The following HYDIN variants were observed in gnomAD, a reference collection of about 807,000 sequenced individuals.
HYDIN encodes the protein HYDIN axonemal central pair apparatus protein, also known as axonemal central pair apparatus protein HYDIN.
In HYDIN, 132 loss-of-function variants were observed where a neutral mutation model predicts 403.9. That is an observed-to-expected ratio of 0.33 (90% CI 0.28 to 0.38). The LOEUF is 0.38. Ranked by LOEUF, HYDIN falls within the 10% of genes least tolerant of loss-of-function variation. HYDIN has a pLI of 1.00. For synonymous variants in HYDIN, 1,202 were observed against 1,891.7 expected, an observed-to-expected ratio of 0.64 and a Z score of 9.46; for missense variants, 2,827 against 5,009.5, an observed-to-expected ratio of 0.56 and a Z score of 13.15.
At chr16:71,066,861 G>T (rs2082287728) in intron 15 of HYDIN, 1 of 498,734 alleles carries the variant, frequency 2.0e-6, no homozygotes, top group Middle Eastern at 3.1e-4. Context: ...CCCGGGGCAG[G>T]GACCTCTTGG....
chr16:71,194,089 T>C (rs1481791901), intron 1 of HYDIN, among the ~76,000 whole-genome samples: 2 of 152,212 alleles, frequency 1.3e-5, no homozygotes, highest in African/African-American at 2.4e-5. Flanking sequence ...AAACATTGCT[T>C]GATAAAAATG....
chr16:71,020,450 A>G lies in HYDIN; in HGVS notation c.3187-133T>C, dbSNP rs6499390. 7.5e-4 allele frequency: 580 copies of G among 777,956 alleles called. 1 individual carries two copies. The highest frequency in any genetic ancestry group is 3.5e-3 in the African/African-American group (169 of 48,360). The allele number at this position is 777,956 out of a possible 1,614,324, so 48.2% of individuals were successfully genotyped here. ...TTTCTTTGTGTGTGTGTGTGTGTGT[A>G]TATATATATATGCATATATATGTAG... On this transcript the variant is annotated intron_variant, in intron 21 of 85. Transcript: ENST00000393567.
intron 85 of HYDIN, 65 bp downstream of exon 85, chr16:70,809,718 C>T (rs2035338322): frequency 7.9e-7 from 1 of 1,271,640 alleles, no homozygotes; most frequent in Non-Finnish European, 1.1e-6. Flanking sequence ...TGTGTCTCCT[C>T]TCATTGTTTT....
At chr16:71,110,204 T>A (rs1355859356) in intron 10 of HYDIN, among the ~76,000 whole-genome samples, 2 of 147,480 alleles carry the variant, frequency 1.4e-5, no homozygotes, top group African/African-American at 5.0e-5. Context: ...GCTAGCAGCA[T>A]AAGATATACA....
At chr16:71,058,561 T>G (rs1385797535) in intron 18 of HYDIN, among the ~76,000 whole-genome samples, 3 of 132,274 alleles carry the variant, frequency 2.3e-5, no homozygotes, top group Non-Finnish European at 3.2e-5. Context: ...ACCTGCACAA[T>G]GTGCACATGT....
At position 70,941,682 on chromosome 16, in the gene HYDIN, A is replaced by C; in HGVS notation, c.6807T>G (p.Asp2269Glu). ...EHIYILNMAQ[D>E]YAAMKAQEKA... is the part of the protein sequence containing the mutation. ...TCTCCTGGGCCTTCATGGCTGCGTA[A>C]TCCTGGGCCATGTTGAGAATGTATA... Residue 2269 changes from aspartate to glutamate, a missense_variant, in exon 43 of 86, where the codon GAT (aspartate) becomes GAG (glutamate). Physicochemically the swap from Asp to Glu is conservative, Grantham distance 45 (BLOSUM62 2). Transcript: ENST00000393567. The C allele has an allele frequency of 6.3e-7, 1 of 1,581,026 alleles. No homozygotes were observed. Among genetic ancestry groups the C allele is most frequent in the Non-Finnish European group, 8.6e-7 (1 of 1,169,054 alleles).
chr16:70,921,277 A>G, intron 45 of HYDIN, 60 bp from the exon 46 acceptor site: 1 of 1,527,248 alleles, frequency 6.5e-7, no homozygotes, highest in East Asian at 2.3e-5. Flanking sequence ...AGTAAATTGC[A>G]TAAGGAGGAG....
chr16:70,901,883 C>G (rs2143755781), intron 52 of HYDIN, among the ~76,000 whole-genome samples: 1 of 152,268 alleles, frequency 6.6e-6, no homozygotes. Context: ...TGCACCCGGC[C>G]AAGCATATGA....
rs778690706 is a variant in HYDIN at position 70,964,412 on chromosome 16, G to A, written c.5788+316C>T. Among the ~76,000 whole-genome samples the A allele has an allele frequency of 3.3e-3, 502 of 151,210 alleles. 1 individual carries two copies. Among genetic ancestry groups the A allele is most frequent in the Non-Finnish European group, 5.9e-3 (401 of 67,754 alleles). The stretch of plus-strand genomic sequence containing the variant: ...AAAACTGTGGACCTGGCCTCTCTGC[G>A]CTTCAGTTTCTCATCTGTACGTCCA... On this transcript the variant is annotated intron_variant, in intron 37 of 85. Coordinates refer to ENST00000393567, the MANE Select transcript of HYDIN (RefSeq NM_001270974.2).
At chr16:71,097,811 T>C (rs994982987) in intron 10 of HYDIN, among the ~76,000 whole-genome samples, 26 of 151,322 alleles carry the variant, frequency 1.7e-4, no homozygotes, top group Admixed American at 1.4e-3. Flanking sequence ...CAAAATACTT[T>C]TGATGCTTCG....
intron 1 of HYDIN, among the ~76,000 whole-genome samples, chr16:71,199,117 T>C (rs1474239515): frequency 6.6e-6 from 1 of 152,246 alleles, no homozygotes; most frequent in Non-Finnish European, 1.5e-5. Flanking sequence ...GTTGGTCATT[T>C]GGATCTCCTC....
At chr16:71,200,984 G>A (rs536428357) in intron 1 of HYDIN, among the ~76,000 whole-genome samples, 3 of 152,214 alleles carry the variant, frequency 2.0e-5, no homozygotes, top group South Asian at 2.1e-4. Context: ...AAAATGCCTG[G>A]AACTTTCTTC....
At chr16:70,872,283 T>C in intron 64 of HYDIN, 104 bp from the exon 65 acceptor site, 1 of 541,408 alleles carries the variant, frequency 1.8e-6, no homozygotes, top group Non-Finnish European at 3.2e-6. Context: ...CCTTCCATCC[T>C]TGGATGGCTA....
intron 47 of HYDIN, among the ~76,000 whole-genome samples, chr16:70,915,260 T>A (rs1456954209): frequency 6.6e-6 from 1 of 152,206 alleles, no homozygotes; most frequent in Non-Finnish European, 1.5e-5. Flanking sequence ...CCTTCTTATT[T>A]GGGTAGGCTC....
intron 46 of HYDIN, among the ~76,000 whole-genome samples, chr16:70,920,224 T>G (rs2076953590): frequency 1.0e-5 from 1 of 99,220 alleles, no homozygotes. Context: ...TCTTATAGGA[T>G]AATTTCTGTC....
At chr16:70,895,739 G>A (rs1178558710) in intron 54 of HYDIN, among the ~76,000 whole-genome samples, 1 of 151,950 alleles carries the variant, frequency 6.6e-6, no homozygotes, top group Non-Finnish European at 1.5e-5. Flanking sequence ...GTAAATGACT[G>A]CTCTGAAAAG....
At chr16:70,997,908 C>A in intron 23 of HYDIN, among the ~76,000 whole-genome samples, 1 of 150,200 alleles carries the variant, frequency 6.7e-6, no homozygotes, top group African/African-American at 2.5e-5. Context: ...AAAAAGTAAT[C>A]TGTCCAATTC....
At chr16:71,037,874 G>A (rs1016341082) in intron 18 of HYDIN, among the ~76,000 whole-genome samples, 4 of 152,170 alleles carry the variant, frequency 2.6e-5, no homozygotes, top group Non-Finnish European at 5.9e-5. Flanking sequence ...GACTATGGCT[G>A]GACCCCTTAC....
intron 19 of HYDIN, among the ~76,000 whole-genome samples, chr16:71,030,679 C>T (rs977327671): frequency 3.9e-5 from 6 of 152,228 alleles, no homozygotes; most frequent in African/African-American, 1.2e-4. Flanking sequence ...GATCCTCCTG[C>T]CTTGGCCTCC....
Sources: gnomAD v4.1 joint callset for allele counts (sites outside exome capture counted in the v4.1 genomes callset) on GRCh38, gnomAD v4.1.1 for gene constraint, MANE v1.5 for transcripts, NCBI Gene and HGNC (gene_info 2026-07-23, HGNC 2026-07-21) for gene names.